Variants in MACC1 observed in about 807,000 individuals in gnomAD.
MACC1 encodes MET transcriptional regulator MACC1, also known as metastasis-associated in colon cancer protein 1.
Under a neutral mutation model 70.7 loss-of-function variants are expected in MACC1, and 79 were observed. The observed-to-expected ratio is 1.12, with a 90% CI of 0.93 to 1.35. MACC1 has a LOEUF of 1.35. Among genes scored for constraint, MACC1 ranks in the 40% most tolerant of loss-of-function variants. The pLI is 0.00. For missense variants in MACC1, 1,106 were observed against 978.1 expected (o/e 1.13, Z -1.74); for synonymous variants, 361 against 347.2 (o/e 1.04, Z -0.44).
chr7:20,154,772 A>T (rs1347359673), intron 5 of MACC1, among the ~76,000 whole-genome samples: 1 of 152,162 alleles, frequency 6.6e-6, no homozygotes, highest in African/African-American at 2.4e-5. Flanking sequence ...CACAAGAAAT[A>T]AAGCCTCGTT....
At position 20,174,291 on chromosome 7, in the gene MACC1, G is replaced by A. The variant is rs78513711; in HGVS notation, c.-217-3513C>T. On this transcript the variant is annotated intron_variant, in intron 1 of 6. Transcript: ENST00000400331. ...GGGAAGCTTTCCCCAATCAGCATCT[G>A]GCAAAACTTAAATATTTCAGGGGAA... 2.0e-5 allele frequency among the ~76,000 whole-genome samples: 3 copies of A among 152,204 alleles called. No individual in the cohort carries two copies. In the East Asian group the frequency reaches 5.8e-4, roughly 29 times the overall value.
Position 20,158,823 on chromosome 7 carries a change from CTT to C in MACC1, c.1536_1537del (p.Arg513ThrfsTer26). On this transcript the variant is annotated frameshift_variant, in exon 5 of 7. Coordinates refer to ENST00000400331, the MANE Select transcript of MACC1 (RefSeq NM_182762.4). LOFTEE classifies it high-confidence loss of function. ...CAAATAGCCTGGCAGATTCGAGAGT[CTT>C]TTTAGGTTTGGGGTTGGATCAGGAG... 1 of 1,614,056 alleles carries C rather than the reference CTT, an allele frequency of 6.2e-7. No homozygotes were observed. Among genetic ancestry groups the C allele is most frequent in the South Asian group, 1.1e-5 (1 of 91,074 alleles).
chr7:20,163,697 T>C (rs1029404472), intron 3 of MACC1, among the ~76,000 whole-genome samples: 1 of 152,152 alleles, frequency 6.6e-6, no homozygotes, highest in Non-Finnish European at 1.5e-5. Flanking sequence ...CATGACAACA[T>C]TGAAAAACAG....
In MACC1 at chr7:20,209,768, G is replaced by T. The variant is rs192544178; in HGVS notation, c.-218+7531C>A. ...GGGGTGAAATGATACGGTTGTGGCT[G>T]TGTCCCCACCCAAATCTCATCTTGA... On this transcript the variant is annotated intron_variant, in intron 1 of 6. Coordinates refer to ENST00000400331, the MANE Select transcript of MACC1 (RefSeq NM_182762.4). Among the ~76,000 whole-genome samples, 58 of 152,258 alleles carry T rather than the reference G, an allele frequency of 3.8e-4. No individual in the cohort carries two copies. In the East Asian group the frequency reaches 0.01, roughly 27 times the overall value.
intron 6 of MACC1, among the ~76,000 whole-genome samples, chr7:20,145,160 G>A (rs903719523): frequency 1.3e-5 from 2 of 152,116 alleles, no homozygotes; most frequent in Admixed American, 6.5e-5. Flanking sequence ...CCCTCTGCAG[G>A]GTTGGTTGGT....
intron 1 of MACC1, among the ~76,000 whole-genome samples, chr7:20,181,866 T>G (rs1782512771): frequency 6.6e-6 from 1 of 152,082 alleles, no homozygotes; most frequent in African/African-American, 2.4e-5. Flanking sequence ...ATGATGATAC[T>G]CCTAACCAAT....
At position 20,136,485 on chromosome 7, in the gene MACC1, C is replaced by A. The variant is rs1299094333; in HGVS notation, c.*4461G>T. 1 of 152,140 alleles carries A rather than the reference C, an allele frequency of 6.6e-6. No homozygotes were observed. The highest frequency in any genetic ancestry group is 1.5e-5 in the Non-Finnish European group (1 of 68,032). 9.4% of individuals were successfully genotyped at this position (152,140 alleles called of 1,614,324 possible). A position where few individuals can be genotyped will look rare whatever the true frequency, so the allele number is the denominator to read the frequency against. On this transcript the variant is annotated 3_prime_UTR_variant, in exon 7 of 7. Transcript: ENST00000400331. ...ATGTAAAATATACATGCAAAAGATA[C>A]ACATTTCTACAATGTTCAGTGAAAT...
rs993698321 is a variant in MACC1, at chr7:20,140,920, T to A, written c.*26A>T. 3 of 1,568,776 alleles carry A rather than the reference T, an allele frequency of 1.9e-6. No homozygotes were observed. In the African/African-American group the frequency reaches 4.1e-5, roughly 21 times the overall value. On this transcript the variant is annotated 3_prime_UTR_variant, in exon 7 of 7. Transcript: ENST00000400331. Reference sequence around the variant, plus strand: ...ACACACACCATTACCTCATTTTCCCTCCCATCAAAAACACACGCTTTGTTT... The same window carrying A: ...ACACACACCATTACCTCATTTTCCCACCCATCAAAAACACACGCTTTGTTT...
chr7:20,166,439 C>T (rs1010597025), intron 2 of MACC1, among the ~76,000 whole-genome samples: 3 of 152,128 alleles, frequency 2.0e-5, no homozygotes, highest in Admixed American at 2.0e-4. Flanking sequence ...CTGTGAGTGG[C>T]CTTACTGGAT....
chr7:20,182,734 C>G (rs1413500932), intron 1 of MACC1, among the ~76,000 whole-genome samples: 1 of 152,124 alleles, frequency 6.6e-6, no homozygotes, highest in East Asian at 1.9e-4. Context: ...GATTTGTCTT[C>G]CTCATTCTTT....
Position 20,140,756 on chromosome 7 carries a change from G to A in MACC1, c.*190C>T, listed in dbSNP as rs879074674. The A allele has an allele frequency of 2.2e-5, 10 of 448,534 alleles. No individual in the cohort carries two copies. The South Asian group carries it at 5.8e-4, about 26-fold the overall frequency. 27.8% of individuals were successfully genotyped at this position (448,534 alleles called of 1,614,324 possible). A position where few individuals can be genotyped will look rare whatever the true frequency, so the allele number is the denominator to read the frequency against. Reference sequence around the variant, plus strand: ...ATCAGGAAAAAAAAACTGGTTTTGAGCATGAAGAAAATTAATATAATGCTT... The same window carrying A: ...ATCAGGAAAAAAAAACTGGTTTTGAACATGAAGAAAATTAATATAATGCTT... On this transcript the variant is annotated 3_prime_UTR_variant, in exon 7 of 7. Transcript: ENST00000400331.
intron 1 of MACC1, among the ~76,000 whole-genome samples, chr7:20,190,150 C>A (rs1379512834): frequency 6.6e-6 from 1 of 152,160 alleles, no homozygotes; most frequent in Non-Finnish European, 1.5e-5. Context: ...ACCATTCAGT[C>A]CACAATGGAA....
intron 1 of MACC1, among the ~76,000 whole-genome samples, chr7:20,207,323 T>TA (rs1782927640): frequency 6.6e-6 from 1 of 151,612 alleles, no homozygotes; most frequent in Non-Finnish European, 1.5e-5. Flanking sequence ...TTGTATTTTT[T>TA]TTTTTTTTAG....
In MACC1 at chr7:20,139,026, C is replaced by G. The variant is rs1465140991; in HGVS notation, c.*1920G>C. On this transcript the variant is annotated 3_prime_UTR_variant, in exon 7 of 7. Transcript: ENST00000400331. The stretch of plus-strand genomic sequence containing the variant: ...ACCATTGCCAGCATACCAAATATCC[C>G]AGGGTGGGTATATTAAAAGCCCTAA... 1 of 152,166 alleles carries G rather than the reference C, an allele frequency of 6.6e-6. No individual in the cohort carries two copies. The highest frequency in any genetic ancestry group is 1.5e-5 in the Non-Finnish European group (1 of 68,028). The allele number at this position is 152,166 out of a possible 1,614,324, so 9.4% of individuals were successfully genotyped here. A position where few individuals can be genotyped will look rare whatever the true frequency, so the allele number is the denominator to read the frequency against.
At chr7:20,197,402 T>G (rs559098583) in intron 1 of MACC1, among the ~76,000 whole-genome samples, 1 of 152,344 alleles carries the variant, frequency 6.6e-6, no homozygotes, top group South Asian at 2.1e-4. Flanking sequence ...GGGTAAAGAA[T>G]CACATGGCTT....
At chr7:20,154,972 T>A (rs1201844105) in intron 5 of MACC1, among the ~76,000 whole-genome samples, 1 of 151,654 alleles carries the variant, frequency 6.6e-6, no homozygotes, top group Non-Finnish European at 1.5e-5. Context: ...TATATATATA[T>A]AAATTTATTA....
intron 1 of MACC1, among the ~76,000 whole-genome samples, chr7:20,183,871 C>G (rs1216786672): frequency 1.3e-5 from 2 of 152,008 alleles, no homozygotes; most frequent in Non-Finnish European, 2.9e-5. Flanking sequence ...CCATGCCCAG[C>G]TAATTTTTGT....
intron 1 of MACC1, among the ~76,000 whole-genome samples, chr7:20,180,318 C>T (rs1350246850): frequency 2.6e-5 from 4 of 151,690 alleles, no homozygotes; most frequent in African/African-American, 9.7e-5. Flanking sequence ...TGGCACGTGC[C>T]CGTAGTCCCA....
chr7:20,157,633 A>AG (rs891442409), intron 5 of MACC1, among the ~76,000 whole-genome samples: 1 of 151,640 alleles, frequency 6.6e-6, no homozygotes, highest in Non-Finnish European at 1.5e-5. Context: ...AAAAAAAAAA[A>AG]AAATACCCAG....
Sources: allele counts gnomAD v4.1 joint callset (sites outside exome capture counted in the v4.1 genomes callset), GRCh38; gene constraint gnomAD v4.1.1; transcripts MANE v1.5; gene names NCBI Gene and HGNC (gene_info 2026-07-23, HGNC 2026-07-21).